The following LIMCH1 variants were observed in gnomAD, a reference collection of about 807,000 sequenced individuals.
LIMCH1 encodes the protein LIM and calponin homology domains-containing protein 1.
Under a neutral mutation model 176.5 loss-of-function variants are expected in LIMCH1, and 113 were observed. That is an observed-to-expected ratio of 0.64 (90% confidence interval 0.55 to 0.75). LIMCH1 has a LOEUF of 0.75. Ranked by LOEUF, LIMCH1 falls within the 30% of genes least tolerant of loss-of-function variation. LIMCH1 has a pLI of 0.00. For missense variants in LIMCH1, 1,674 were observed against 1,814.9 expected, an observed-to-expected ratio of 0.92 and a Z score of 1.41; for synonymous variants, 619 against 645.9, an observed-to-expected ratio of 0.96 and a Z score of 0.63.
chr4:41,633,063 TC>T lies in LIMCH1; in HGVS notation c.1808del (p.Ser603Ter). The T allele has an allele frequency of 6.5e-7, 1 of 1,535,476 alleles. No homozygotes were observed. Among genetic ancestry groups the T allele is most frequent in the Non-Finnish European group, 8.7e-7 (1 of 1,146,736 alleles). On this transcript the variant is annotated frameshift_variant, in exon 12 of 32. Coordinates refer to ENST00000503057, the MANE Select transcript of LIMCH1 (RefSeq NM_001330672.2). LOFTEE classifies it high-confidence loss of function. ...DSERLSKAER[S>X]EDSSQPLVCP... is the part of the protein sequence containing the mutation. ...TGAGAGGCTGTCAAAGGCAGAAAGATCAGAGGACAGCAGCCAGCCACTGTGA... is the reference window on the plus strand; with the variant it reads ...TGAGAGGCTGTCAAAGGCAGAAAGATAGAGGACAGCAGCCAGCCACTGTGA...
chr4:41,615,995 C>G (rs1455016330), intron 5 of LIMCH1, among the ~76,000 whole-genome samples: 1 of 152,164 alleles, frequency 6.6e-6, no homozygotes, highest in Non-Finnish European at 1.5e-5. Context: ...TCTTGCTAGA[C>G]AGGTGTCCAA....
At chr4:41,426,272 C>T (rs1335998438) in intron 1 of LIMCH1, among the ~76,000 whole-genome samples, 1 of 152,038 alleles carries the variant, frequency 6.6e-6, no homozygotes. Flanking sequence ...CCGCCCGCCT[C>T]GGCCTCCCAA....
chr4:41,632,681 T>C lies in LIMCH1; in HGVS notation c.1602-68T>C. On this transcript the variant is annotated intron_variant, in intron 10 of 31. Coordinates refer to ENST00000503057, the MANE Select transcript of LIMCH1 (RefSeq NM_001330672.2). Reference sequence around the variant, plus strand: ...CTTAATCTTTCAGTCCCAAGGACTTTCACTGTCTTCTTTCGTAACCCATGT... The same window carrying C: ...CTTAATCTTTCAGTCCCAAGGACTTCCACTGTCTTCTTTCGTAACCCATGT... The C allele has an allele frequency of 3.1e-6, 4 of 1,278,890 alleles. No homozygotes were observed. In the South Asian group the frequency reaches 3.8e-5, roughly 12 times the overall value. The allele number at this position is 1,278,890 out of a possible 1,614,324, so 79.2% of individuals were successfully genotyped here.
intron 2 of LIMCH1, among the ~76,000 whole-genome samples, chr4:41,603,176 G>GT (rs1471363284): frequency 1.3e-5 from 2 of 152,062 alleles, no homozygotes; most frequent in Non-Finnish European, 2.9e-5. Flanking sequence ...AGTGCAGTTT[G>GT]TTTTTTCTAG....
At chr4:41,682,692 T>G (rs577207190) in intron 26 of LIMCH1, among the ~76,000 whole-genome samples, 1 of 150,202 alleles carries the variant, frequency 6.7e-6, no homozygotes. Context: ...TTTTTTTTTT[T>G]GCTTGAGACG....
At chr4:41,514,157 T>G (rs2075311203) in intron 2 of LIMCH1, among the ~76,000 whole-genome samples, 1 of 151,966 alleles carries the variant, frequency 6.6e-6, no homozygotes, top group Non-Finnish European at 1.5e-5. Flanking sequence ...GCTCATTTCA[T>G]TAACAATTCA....
chr4:41,390,269 A>AGAGAGAGAGCGAGAGAGC (rs760332127), intron 1 of LIMCH1, among the ~76,000 whole-genome samples: 2 of 150,304 alleles, frequency 1.3e-5, no homozygotes, highest in Non-Finnish European at 2.9e-5. Flanking sequence ...AGAGAGAGAG[A>AGAGAGAGAGCGAGAGAGC]GAGAGCGAGA....
At chr4:41,520,726 A>G (rs1352509063) in intron 2 of LIMCH1, among the ~76,000 whole-genome samples, 1 of 152,118 alleles carries the variant, frequency 6.6e-6, no homozygotes, top group Non-Finnish European at 1.5e-5. Flanking sequence ...ACATTTTAAA[A>G]TTTTCTTTAT....
chr4:41,373,741 A>G (rs952936691), intron 1 of LIMCH1, among the ~76,000 whole-genome samples: 13 of 152,180 alleles, frequency 8.5e-5, no homozygotes, highest in African/African-American at 2.9e-4. Context: ...CCTAACCACC[A>G]TGCTATGGGG....
chr4:41,463,296 C>T (rs1339338403), intron 1 of LIMCH1, among the ~76,000 whole-genome samples: 2 of 152,052 alleles, frequency 1.3e-5, no homozygotes, highest in African/African-American at 4.8e-5. Context: ...TTTTATAGTA[C>T]ACCCACTTTA....
In LIMCH1 at chr4:41,596,865, G is replaced by T. The variant is rs115543588; in HGVS notation, c.-240-2055G>T. On this transcript the variant is annotated intron_variant, in intron 1 of 31. Transcript: ENST00000503057. ...GGTCTTGTGAACAATGGCATCTCTT[G>T]CCTGCTGAAAAAAGACCTAGGCTTT... Among the ~76,000 whole-genome samples the T allele has an allele frequency of 7.8e-3, 1,190 of 152,254 alleles. 7 individuals carry two copies. Among genetic ancestry groups the T allele is most frequent in the Middle Eastern group, 0.02 (6 of 294 alleles).
intron 1 of LIMCH1, among the ~76,000 whole-genome samples, chr4:41,554,872 G>A (rs1017407102): frequency 6.6e-5 from 10 of 152,144 alleles, no homozygotes; most frequent in Non-Finnish European, 1.3e-4. Context: ...ACTGTGCAGG[G>A]AACAAGACAT....
Position 41,631,494 on chromosome 4 carries a change from G to C in LIMCH1, c.1601+17G>C. On this transcript the variant is annotated intron_variant, in intron 10 of 31. Coordinates refer to ENST00000503057, the MANE Select transcript of LIMCH1 (RefSeq NM_001330672.2). ...TGACTGCAGGTATTTTTTGCCATAC[G>C]TGTGCAAGGATATCTGCATGGGAGT... 6.7e-7 allele frequency: 1 copy of C among 1,489,918 alleles called. No homozygotes were observed. The highest frequency in any genetic ancestry group is 8.9e-7 in the Non-Finnish European group (1 of 1,124,280). 92.3% of individuals were successfully genotyped at this position (1,489,918 alleles called of 1,614,324 possible).
chr4:41,440,543 C>A (rs1182359246), intron 1 of LIMCH1, among the ~76,000 whole-genome samples: 2 of 151,916 alleles, frequency 1.3e-5, no homozygotes, highest in Non-Finnish European at 2.9e-5. Context: ...TTATTTATTT[C>A]TTTGTTTGAG....
chr4:41,623,339 CT>C (rs1357597303), intron 7 of LIMCH1, among the ~76,000 whole-genome samples: 1 of 152,136 alleles, frequency 6.6e-6, no homozygotes, highest in East Asian at 1.9e-4. Context: ...CATTTCTCAG[CT>C]GGGAAATGTT....
At chr4:41,655,710 A>T (rs1422726787) in intron 18 of LIMCH1, among the ~76,000 whole-genome samples, 1 of 151,202 alleles carries the variant, frequency 6.6e-6, no homozygotes, top group Non-Finnish European at 1.5e-5. Context: ...TTTTGTAGAG[A>T]ATGGGGTCTC....
intron 1 of LIMCH1, among the ~76,000 whole-genome samples, chr4:41,374,144 G>C (rs1050739378): frequency 6.6e-6 from 1 of 152,104 alleles, no homozygotes; most frequent in Non-Finnish European, 1.5e-5. Flanking sequence ...TGCAAATGCA[G>C]GCTGTTGACC....
At chr4:41,396,506 T>C (rs2057812443) in intron 1 of LIMCH1, among the ~76,000 whole-genome samples, 1 of 152,138 alleles carries the variant, frequency 6.6e-6, no homozygotes, top group Non-Finnish European at 1.5e-5. Flanking sequence ...TGTTTCGTGA[T>C]TGTATTGTGC....
At chr4:41,612,178 A>G (rs1400104551) in intron 4 of LIMCH1, among the ~76,000 whole-genome samples, 1 of 151,890 alleles carries the variant, frequency 6.6e-6, no homozygotes, top group Non-Finnish European at 1.5e-5. Flanking sequence ...AATTACAGCC[A>G]CTCTGTCCCC....
Sources: gnomAD v4.1 joint callset for allele counts (sites outside exome capture counted in the v4.1 genomes callset) on GRCh38, gnomAD v4.1.1 for gene constraint, MANE v1.5 for transcripts, NCBI Gene and HGNC (gene_info 2026-07-23, HGNC 2026-07-21) for gene names.